SERAC1: variants seen among roughly 807,000 people sequenced by gnomAD.
SERAC1 encodes the protein serine active site containing 1.
A neutral mutation model predicts 85.7 loss-of-function variants in SERAC1; 36 were observed. That is an observed-to-expected ratio of 0.42 (90% CI 0.32 to 0.55). SERAC1 has a LOEUF of 0.55. Ranked by LOEUF, SERAC1 falls within the 20% of genes least tolerant of loss-of-function variation. The pLI, the probability that SERAC1 is intolerant of heterozygous loss-of-function variation, is 0.11. For synonymous variants in SERAC1, 242 were observed against 265.3 expected, an observed-to-expected ratio of 0.91 and a Z score of 0.85; for missense variants, 629 against 796.2, an observed-to-expected ratio of 0.79 and a Z score of 2.53.
At chr6:158,167,958 G>C (rs1217742762) in intron 1 of SERAC1, among the ~76,000 whole-genome samples, 182 bp downstream of exon 1, 2 of 151,460 alleles carry the variant, frequency 1.3e-5, no homozygotes, top group East Asian at 2.0e-4. Context: ...TCAGGCTCGC[G>C]ACCACCAGAG....
At chr6:158,113,899 AC>A (rs1784209894) in intron 15 of SERAC1, among the ~76,000 whole-genome samples, 1 of 152,026 alleles carries the variant, frequency 6.6e-6, no homozygotes, top group Admixed American at 6.6e-5. Context: ...GCACCACAAC[AC>A]CCACCCCAAA....
chr6:158,165,650 T>C (rs890458), intron 1 of SERAC1, among the ~76,000 whole-genome samples: 137,834 of 152,250 alleles, frequency 0.91, 62,567 homozygotes, highest in African/African-American at 0.98. Flanking sequence ...TCACTATCCA[T>C]CAAATGGTCA....
rs1445143596 is a variant in SERAC1, at chr6:158,120,969, C to T, written c.1016-394G>A. On this transcript the variant is annotated intron_variant, in intron 10 of 16. Coordinates refer to ENST00000647468, the MANE Select transcript of SERAC1 (RefSeq NM_032861.4). The surrounding 1 kb of genome is among the most constrained non-coding windows in gnomAD (Gnocchi z 4.4). ...TTAATACTAGTTATTTCATCCTGACCAGCAATCAGTAATACCCTTTCATAC... is the reference window on the plus strand; with the variant it reads ...TTAATACTAGTTATTTCATCCTGACTAGCAATCAGTAATACCCTTTCATAC... 6.6e-6 allele frequency among the ~76,000 whole-genome samples: 1 copy of T among 152,118 alleles called. No homozygotes were observed.
At chr6:158,161,688 T>C (rs1785491503) in intron 1 of SERAC1, 1 of 151,766 alleles carries the variant, frequency 6.6e-6, no homozygotes, top group Non-Finnish European at 1.5e-5. Context: ...AGGGAGTGAC[T>C]GCCCCTCTCT....
intron 3 of SERAC1, among the ~76,000 whole-genome samples, chr6:158,152,121 G>A (rs979204117): frequency 2.0e-5 from 3 of 152,204 alleles, no homozygotes; most frequent in African/African-American, 2.4e-5. Flanking sequence ...GTGCATGCCT[G>A]TAGTACCAGC....
At chr6:158,139,186 T>TAA (rs1784861909) in intron 8 of SERAC1, among the ~76,000 whole-genome samples, 1 of 152,232 alleles carries the variant, frequency 6.6e-6, no homozygotes, top group Non-Finnish European at 1.5e-5. Flanking sequence ...ATTACAGACA[T>TAA]AAGCCACCAT....
At chr6:158,156,980 A>ATTAATGTATTTAT (rs1331762862) in intron 2 of SERAC1, among the ~76,000 whole-genome samples, 5 of 131,678 alleles carry the variant, frequency 3.8e-5, no homozygotes, top group Admixed American at 1.8e-4. Flanking sequence ...ATTTATATAT[A>ATTAATGTATTTAT]ATAAATACAT....
At chr6:158,118,942 G>T in intron 12 of SERAC1, 87 bp downstream of exon 12, 1 of 1,500,024 alleles carries the variant, frequency 6.7e-7, no homozygotes, top group Non-Finnish European at 9.0e-7. Context: ...AAAAATCCCA[G>T]AACAAAGAGA....
In SERAC1 at chr6:158,128,660, C is replaced by T. The variant is rs139466137; in HGVS notation, c.853-390G>A. Among the ~76,000 whole-genome samples, 375 of 152,280 alleles carry T rather than the reference C, an allele frequency of 2.5e-3. 1 individual carries two copies. Among genetic ancestry groups the T allele is most frequent in the Middle Eastern group, 0.014 (4 of 294 alleles). ...CTGCCACCTATTCTCAGGAAATAGT[C>T]CCCTGTGCAAGCGAACAGATTTCAT... On this transcript the variant is annotated intron_variant, in intron 9 of 16. Transcript: ENST00000647468.
chr6:158,114,696 T>A (rs1355566387), intron 15 of SERAC1, 93 bp downstream of exon 15: 1 of 1,578,254 alleles, frequency 6.3e-7, no homozygotes, highest in Admixed American at 1.8e-5. Context: ...AATTATAAAA[T>A]GAGATAATAC....
intron 1 of SERAC1, among the ~76,000 whole-genome samples, chr6:158,159,961 C>T (rs1040368935): frequency 6.6e-6 from 1 of 152,188 alleles, no homozygotes; most frequent in African/African-American, 2.4e-5. Flanking sequence ...TGAAGACTTG[C>T]TTTGTTACCT....
At chr6:158,128,676 C>G (rs776976717) in intron 9 of SERAC1, among the ~76,000 whole-genome samples, 3 of 152,180 alleles carry the variant, frequency 2.0e-5, no homozygotes, top group Non-Finnish European at 4.4e-5. Context: ...TGCAAGCGAA[C>G]AGATTTCATT....
Position 158,114,779 on chromosome 6 carries a change from A to G in SERAC1, c.1684+10T>C, listed in dbSNP as rs963916671. On this transcript the variant is annotated intron_variant, in intron 15 of 16. Transcript: ENST00000647468. ...ATAACCCCAATTTCCTTTATGACAA[A>G]AAGTATTACCCTTGCTGAGTTCTTT... 8 of 1,613,490 alleles carry G rather than the reference A, an allele frequency of 5.0e-6. No homozygotes were observed. Among genetic ancestry groups the G allele is most frequent in the South Asian group, 1.1e-5 (1 of 91,042 alleles).
At chr6:158,131,837 A>G (rs775667175) in intron 8 of SERAC1, among the ~76,000 whole-genome samples, 1 of 152,210 alleles carries the variant, frequency 6.6e-6, no homozygotes, top group Non-Finnish European at 1.5e-5. Flanking sequence ...ATATTTATCA[A>G]TGGGGGTTAG....
intron 10 of SERAC1, among the ~76,000 whole-genome samples, chr6:158,127,410 C>CGGGA (rs1784571308): frequency 2.4e-5 from 1 of 42,054 alleles, no homozygotes. Flanking sequence ...CCGCCCCGTC[C>CGGGA]GGGAGGTGAG....
chr6:158,114,833 C>G lies in SERAC1; in HGVS notation c.1640G>C (p.Arg547Pro). The change falls in exon 15 of 17, where the codon CGC becomes CCC. Residue 547 changes from arginine (R) to proline (P), a missense_variant. By Grantham distance (103) the Arg-to-Pro change is moderately radical. Coordinates refer to ENST00000647468, the MANE Select transcript of SERAC1 (RefSeq NM_032861.4). The part of the protein sequence containing the change: ...SRLAEYSVNI[R>P]YLLFPSLEVK... ...TTCCAACGAGGGGAAGAGAAGATAG[C>G]GAATATTAACAGAGTATTCAGCCAA... The G allele has an allele frequency of 6.2e-7, 1 of 1,606,920 alleles. No homozygotes were observed. Among genetic ancestry groups the G allele is most frequent in the Non-Finnish European group, 8.5e-7 (1 of 1,177,384 alleles).
intron 12 of SERAC1, among the ~76,000 whole-genome samples, 153 bp downstream of exon 12, chr6:158,118,876 G>T (rs10946086): frequency 6.6e-6 from 1 of 152,088 alleles, no homozygotes; most frequent in South Asian, 2.1e-4. Flanking sequence ...GACAAGCCCA[G>T]TTGTTGTCAA....
chr6:158,119,048 T>C lies in SERAC1; in HGVS notation c.1289A>G (p.Tyr430Cys), dbSNP rs1461780331. The C allele has an allele frequency of 1.2e-6, 2 of 1,613,430 alleles. No individual in the cohort carries two copies. Among genetic ancestry groups the C allele is most frequent in the Non-Finnish European group, 1.7e-6 (2 of 1,179,712 alleles). The change falls in exon 12 of 17, where the codon TAT becomes TGT. Residue 430 changes from tyrosine (Y) to cysteine (C), a missense_variant. Transcript: ENST00000647468. This position sits in a 1 kb window ranked among gnomAD's most constrained non-coding sequence, Gnocchi z 4.5. ...IEKPMEDEDR[Y>C]TTCWPKTWLA... ...CCTTACCTTGGGCCAGCACGTCGTA[T>C]ATCTGTCTTCATCCTCCATAGGTTT... is the stretch of plus-strand genomic sequence containing the variant.
At chr6:158,115,791 C>T (rs1187586827) in intron 14 of SERAC1, among the ~76,000 whole-genome samples, 3 of 152,050 alleles carry the variant, frequency 2.0e-5, no homozygotes, top group African/African-American at 4.8e-5. Flanking sequence ...GGCACTAAAG[C>T]GACCATAGAC....
Sources: gnomAD v4.1 joint callset for allele counts (sites outside exome capture counted in the v4.1 genomes callset) on GRCh38, gnomAD v4.1.1 for gene constraint, Gnocchi (gnomAD v3.1) non-coding constraint, MANE v1.5 for transcripts, NCBI Gene and HGNC (gene_info 2026-07-23, HGNC 2026-07-21) for gene names.